OAS3: variants seen among roughly 807,000 people sequenced by gnomAD.
The protein encoded by OAS3 is 2'-5'-oligoadenylate synthase 3.
OAS3 carries 107 observed loss-of-function variants against 113.0 expected under a neutral mutation model. That is an observed-to-expected ratio of 0.95 (90% CI 0.81 to 1.11). The LOEUF (loss-of-function observed/expected upper bound fraction) is 1.11, where lower values mean the gene tolerates loss of function less well. Among genes scored for constraint, OAS3 ranks in the 50% most tolerant of loss-of-function variants. OAS3 has a pLI of 0.00. For synonymous variants in OAS3, 552 were observed against 573.6 expected (o/e 0.96, Z 0.54); for missense variants, 1,258 against 1,389.1 (o/e 0.91, Z 1.50).
intron 7 of OAS3, among the ~76,000 whole-genome samples, chr12:112,959,044 G>T (rs2043859898): frequency 6.6e-6 from 1 of 152,224 alleles, no homozygotes; most frequent in Non-Finnish European, 1.5e-5. Flanking sequence ...CTCAGCAATG[G>T]TGGATGCCCC....
At position 112,946,924 on chromosome 12, in the gene OAS3, A is replaced by C; in HGVS notation, c.818A>C (p.Tyr273Ser). 1 of 1,614,008 alleles carries C rather than the reference A, an allele frequency of 6.2e-7. No homozygotes were observed. Among genetic ancestry groups the C allele is most frequent in the Non-Finnish European group, 8.5e-7 (1 of 1,179,900 alleles). The change falls in exon 4 of 16, where the codon TAT (tyrosine) becomes TCT (serine). Residue 273 changes from tyrosine to serine, a missense_variant. By Grantham distance (144) the Tyr-to-Ser change is moderately radical. Transcript: ENST00000228928. ...QHLCVFWTVN[Y>S]GFEDPAVGQF... ...CTGTGTGTTTTCTGGACTGTCAACTATGGCTTCGAGGACCCTGCAGTTGGG... is the reference window on the plus strand; with the variant it reads ...CTGTGTGTTTTCTGGACTGTCAACTCTGGCTTCGAGGACCCTGCAGTTGGG...
rs529049022 is a variant in OAS3 at position 112,946,811 on chromosome 12, C to T, written c.705C>T (p.Phe235=). ...PVYALELLTI[F]AWEQGCKKDA... is the part of the protein sequence containing the mutation. ...ATGCCCTGGAATTGCTGACCATCTT[C>T]GCCTGGGAGCAGGGCTGTAAGAAGG... is the stretch of plus-strand genomic sequence containing the variant. Residue 235 remains phenylalanine (F), a synonymous_variant, in exon 4 of 16, where the codon TTC becomes TTT. Coordinates refer to ENST00000228928, the MANE Select transcript of OAS3 (RefSeq NM_006187.4). 37 of 1,613,674 alleles carry T rather than the reference C, an allele frequency of 2.3e-5. No homozygotes were observed. In the Middle Eastern group the frequency reaches 1.2e-3, roughly 50 times the overall value.
chr12:112,969,754 A>G lies in OAS3; in HGVS notation c.3251A>G (p.Lys1084Arg). The G allele has an allele frequency of 6.2e-7, 1 of 1,612,124 alleles. No individual in the cohort carries two copies. The highest frequency in any genetic ancestry group is 8.5e-7 in the Non-Finnish European group (1 of 1,178,958). ...ATCCCCATCCAGCCATGGCCAGTGA[A>G]GGTGAGAGATCTGTGGTGCCAAAGG... ...NGIPIQPWPV[K>R]AAV The change falls in exon 15 of 16, where the codon AAG becomes AGG. Residue 1084 changes from lysine to arginine, a missense_variant and splice_region_variant. Transcript: ENST00000228928.
chr12:112,957,067 A>G (rs58081077), intron 7 of OAS3, among the ~76,000 whole-genome samples: 9,964 of 152,216 alleles, frequency 0.065, 1,067 homozygotes, highest in African/African-American at 0.22. Context: ...CTTCTTGTTG[A>G]ATTGATCCCT....
At chr12:112,947,904 C>T in intron 4 of OAS3, 42 bp from the exon 5 acceptor site, 1 of 1,526,598 alleles carries the variant, frequency 6.6e-7, no homozygotes, top group Non-Finnish European at 8.8e-7. Flanking sequence ...ACTCCAGAGC[C>T]CTCTTGCTAA....
intron 11 of OAS3, 70 bp downstream of exon 11, chr12:112,964,478 G>A: frequency 1.3e-6 from 2 of 1,511,984 alleles, no homozygotes; most frequent in Non-Finnish European, 9.0e-7. Context: ...CCAGGGCCAG[G>A]CTTGACCCAC....
chr12:112,940,399 T>G (rs1565973088), intron 1 of OAS3, among the ~76,000 whole-genome samples: 1 of 152,200 alleles, frequency 6.6e-6, no homozygotes, highest in Non-Finnish European at 1.5e-5. Context: ...TTTCACCATC[T>G]GAGCCTCACT....
Position 112,939,306 on chromosome 12 carries a change from CTTTTTTTTTTT to C in OAS3, c.177+620_177+630del, listed in dbSNP as rs58792765. 9.7e-4 allele frequency among the ~76,000 whole-genome samples: 66 copies of C among 68,302 alleles called. 1 individual carries two copies. The highest frequency in any genetic ancestry group is 3.3e-3 in the African/African-American group (61 of 18,278). 44.8% of individuals were successfully genotyped at this position (68,302 alleles called of 152,430 possible). A position where few individuals can be genotyped will look rare whatever the true frequency, so the allele number is the denominator to read the frequency against. On this transcript the variant is annotated intron_variant, in intron 1 of 15. Coordinates refer to ENST00000228928, the MANE Select transcript of OAS3 (RefSeq NM_006187.4). ...GCTAAATTACTACTCTGAGTCACAT[CTTTTTTTTTTT>C]TTTTTTTTTTTTTTTTTTTTGAGAC...
intron 7 of OAS3, among the ~76,000 whole-genome samples, chr12:112,959,122 G>A (rs1016855220): frequency 1.4e-4 from 21 of 152,208 alleles, no homozygotes; most frequent in African/African-American, 3.4e-4. Context: ...ATGAGGCTCC[G>A]TGGGCGTGTG....
rs1276663972 is a variant in OAS3 at position 112,971,047 on chromosome 12, C to G, written c.*1074C>G. On this transcript the variant is annotated 3_prime_UTR_variant, in exon 16 of 16. Transcript: ENST00000228928. ...GGTCCATCCAGGAGGCTCTCCTGAC[C>G]TCAAGTCCAACAACAGTGTCCACAC... is the stretch of plus-strand genomic sequence containing the variant. 1 of 152,388 alleles carries G rather than the reference C, an allele frequency of 6.6e-6. No homozygotes were observed. The highest frequency in any genetic ancestry group is 2.4e-5 in the African/African-American group (1 of 41,458). The allele number at this position is 152,388 out of a possible 1,614,324, so 9.4% of individuals were successfully genotyped here.
chr12:112,949,228 C>CAG (rs1180393009), intron 6 of OAS3, 23 bp downstream of exon 6: 2 of 1,538,562 alleles, frequency 1.3e-6, no homozygotes, highest in African/African-American at 3.4e-5. Context: ...AGTGGAGACA[C>CAG]AGGGGGGACC....
intron 2 of OAS3, 35 bp downstream of exon 2, chr12:112,941,887 C>A: frequency 6.2e-7 from 1 of 1,613,616 alleles, no homozygotes; most frequent in Non-Finnish European, 8.5e-7. Flanking sequence ...GGGTTGGGGG[C>A]AAAAGATCAT....
In OAS3 at chr12:112,963,265, T is replaced by A; in HGVS notation, c.2085-48T>A. The A allele has an allele frequency of 6.6e-7, 1 of 1,517,260 alleles. No homozygotes were observed. The highest frequency in any genetic ancestry group is 8.9e-7 in the Non-Finnish European group (1 of 1,127,612). The allele number at this position is 1,517,260 out of a possible 1,614,324, so 94.0% of individuals were successfully genotyped here. On this transcript the variant is annotated intron_variant, in intron 9 of 15. Coordinates refer to ENST00000228928, the MANE Select transcript of OAS3 (RefSeq NM_006187.4). The surrounding 1 kb of genome is among the most constrained non-coding windows in gnomAD (Gnocchi z 4.6). ...TTTCAGCCCTTCCACCCGCCTCCTC[T>A]TTCACTGACTCCCACCTTCCCCACC...
intron 1 of OAS3, among the ~76,000 whole-genome samples, chr12:112,939,603 G>A (rs1193674358): frequency 1.3e-5 from 2 of 152,128 alleles, no homozygotes; most frequent in Non-Finnish European, 2.9e-5. Flanking sequence ...TTACAGGTGT[G>A]AGCCACCATG....
intron 2 of OAS3, 116 bp from the exon 3 acceptor site, chr12:112,944,360 C>T (rs1260999723): frequency 1.5e-5 from 16 of 1,072,432 alleles, no homozygotes; most frequent in Non-Finnish European, 2.2e-5. Flanking sequence ...CAGATTTCTT[C>T]CCCTCTGAAT....
At chr12:112,964,432 C>T (rs2043916600) in intron 11 of OAS3, 24 bp downstream of exon 11, 1 of 1,601,218 alleles carries the variant, frequency 6.2e-7, no homozygotes, top group Non-Finnish European at 8.5e-7. Flanking sequence ...GAGCTGTAGG[C>T]AAGCAGTGTC....
At chr12:112,949,960 A>G (rs1478630878) in intron 6 of OAS3, among the ~76,000 whole-genome samples, 3 of 152,248 alleles carry the variant, frequency 2.0e-5, no homozygotes, top group Non-Finnish European at 4.4e-5. Flanking sequence ...CGGAGGTTGC[A>G]GTGAGCTGAG....
rs138971703 is a variant in OAS3 at position 112,959,277 on chromosome 12, G to A, written c.1658-1794G>A. Among the ~76,000 whole-genome samples, 718 of 152,228 alleles carry A rather than the reference G, an allele frequency of 4.7e-3. 10 individuals are homozygous for A. Among genetic ancestry groups the A allele is most frequent in the African/African-American group, 0.017 (685 of 41,512 alleles). On this transcript the variant is annotated intron_variant, in intron 7 of 15. Coordinates refer to ENST00000228928, the MANE Select transcript of OAS3 (RefSeq NM_006187.4). ...CTTTGGATAGGAAAGGGAATTCCCCGACCCCTTGCACTTCCCAGGTGAGGC... is the reference window on the plus strand; with the variant it reads ...CTTTGGATAGGAAAGGGAATTCCCCAACCCCTTGCACTTCCCAGGTGAGGC...
chr12:112,946,187 C>T (rs1469532605), intron 3 of OAS3, among the ~76,000 whole-genome samples: 2 of 152,064 alleles, frequency 1.3e-5, no homozygotes, highest in African/African-American at 4.8e-5. Context: ...GCTGAAGCAT[C>T]CCCTCTGGAG....
Sources: allele counts gnomAD v4.1 joint callset (sites outside exome capture counted in the v4.1 genomes callset), GRCh38; gene constraint gnomAD v4.1.1; non-coding constraint Gnocchi (gnomAD v3.1); transcripts MANE v1.5; gene names NCBI Gene and HGNC (gene_info 2026-07-23, HGNC 2026-07-21).